Variants in SYNRG observed in about 807,000 individuals in gnomAD.
SYNRG encodes the protein AP1 gamma subunit binding protein 1.
SYNRG carries 37 observed loss-of-function variants against 130.9 expected under a neutral mutation model. The ratio of observed to expected loss-of-function variants is 0.28; its 90% CI spans 0.22 to 0.37. The LOEUF (loss-of-function observed/expected upper bound fraction) is 0.37, where lower values mean the gene tolerates loss of function less well. Among genes scored for constraint, SYNRG ranks in the 10% least tolerant of loss-of-function variants. SYNRG has a pLI of 1.00. For missense variants in SYNRG, 1,338 were observed against 1,588.9 expected (o/e 0.84, Z 2.68); for synonymous variants, 539 against 568.1 (o/e 0.95, Z 0.73).
At chr17:37,546,690 G>C (rs2145103359) in intron 14 of SYNRG, among the ~76,000 whole-genome samples, 1 of 152,314 alleles carries the variant, frequency 6.6e-6, no homozygotes, top group South Asian at 2.1e-4. Flanking sequence ...AAGCTGTTAA[G>C]TATATGCCCA....
At chr17:37,569,358 C>T (rs1489354144) in intron 10 of SYNRG, among the ~76,000 whole-genome samples, 3 of 146,430 alleles carry the variant, frequency 2.0e-5, no homozygotes, top group East Asian at 2.0e-4. Context: ...TGCAGTGAGC[C>T]GAGATTGTGC....
intron 1 of SYNRG, among the ~76,000 whole-genome samples, chr17:37,607,955 C>CAAAAAA (rs67822733): frequency 0.019 from 963 of 50,956 alleles, 60 homozygotes; most frequent in Admixed American, 0.038. Flanking sequence ...GACTTCCTCT[C>CAAAAAA]AAAAAAAAAA....
intron 14 of SYNRG, among the ~76,000 whole-genome samples, chr17:37,551,471 A>C (rs1004041371): frequency 2.0e-5 from 3 of 152,182 alleles, no homozygotes; most frequent in Non-Finnish European, 4.4e-5. Flanking sequence ...GATGTTCCAA[A>C]CATACATAAA....
chr17:37,580,510 T>TGTGTGTGTGTGTGTGTGTGAGAGA (rs1384344164), intron 6 of SYNRG, among the ~76,000 whole-genome samples: 1 of 127,660 alleles, frequency 7.8e-6, no homozygotes, highest in African/African-American at 3.6e-5. Flanking sequence ...TGTGTGTGTG[T>TGTGTGTGTGTGTGTGTGTGAGAGA]GAGAGAGAGA....
intron 19 of SYNRG, among the ~76,000 whole-genome samples, chr17:37,530,504 G>A (rs2056514350): frequency 6.6e-6 from 1 of 152,186 alleles, no homozygotes; most frequent in South Asian, 2.1e-4. Flanking sequence ...TGGAGCTCAG[G>A]AAGTAAATGC....
intron 19 of SYNRG, among the ~76,000 whole-genome samples, chr17:37,528,877 C>T (rs577616452): frequency 1.3e-5 from 2 of 152,298 alleles, no homozygotes; most frequent in Admixed American, 6.5e-5. Flanking sequence ...GGTACAATGA[C>T]ATGGTATAAT....
rs116482967 is a variant in SYNRG, at chr17:37,575,861, G to C, written c.901+480C>G. Among the ~76,000 whole-genome samples the C allele has an allele frequency of 9.1e-3, 1,158 of 127,588 alleles. 14 individuals are homozygous for C. Among genetic ancestry groups the C allele is most frequent in the African/African-American group, 0.031 (1,061 of 34,066 alleles). The allele number at this position is 127,588 out of a possible 152,430, so 83.7% of individuals were successfully genotyped here. On this transcript the variant is annotated intron_variant, in intron 8 of 21. Coordinates refer to ENST00000612223, the MANE Select transcript of SYNRG (RefSeq NM_007247.6). ...GTCTCAAAAAAAAAAAAAAAAAAAAGAGTAAACACTATCCTTCACATCTTC... is the reference window on the plus strand; with the variant it reads ...GTCTCAAAAAAAAAAAAAAAAAAAACAGTAAACACTATCCTTCACATCTTC...
At chr17:37,587,090 TAA>T (rs1013059796) in intron 3 of SYNRG, among the ~76,000 whole-genome samples, 4 of 152,200 alleles carry the variant, frequency 2.6e-5, no homozygotes, top group Non-Finnish European at 4.4e-5. Context: ...CATAATATTA[TAA>T]AGTTTGTTAA....
At chr17:37,559,713 C>A (rs540657277) in intron 13 of SYNRG, among the ~76,000 whole-genome samples, 11 of 152,176 alleles carry the variant, frequency 7.2e-5, no homozygotes, top group African/African-American at 2.7e-4. Flanking sequence ...CTAGTTGCTG[C>A]CTTTACAGTC....
At chr17:37,540,855 G>C in intron 15 of SYNRG, 1 of 973,504 alleles carries the variant, frequency 1.0e-6, no homozygotes, top group Middle Eastern at 4.9e-4. Context: ...GGCTGGTCTC[G>C]AACTCCTGAT....
chr17:37,535,153 T>C (rs905563584), intron 19 of SYNRG, among the ~76,000 whole-genome samples: 9 of 152,126 alleles, frequency 5.9e-5, no homozygotes, highest in Admixed American at 2.6e-4. Context: ...TCAATAACCA[T>C]ATTCCAAGGA....
At chr17:37,596,615 T>C (rs767143239) in intron 2 of SYNRG, among the ~76,000 whole-genome samples, 3 of 152,176 alleles carry the variant, frequency 2.0e-5, no homozygotes, top group African/African-American at 7.2e-5. Context: ...TATGGCCTAA[T>C]TGGGGTACTC....
chr17:37,540,320 T>C, intron 16 of SYNRG, 60 bp downstream of exon 16: 1 of 1,574,668 alleles, frequency 6.4e-7, no homozygotes, highest in Non-Finnish European at 8.6e-7. Context: ...GCATTCTTTC[T>C]TGGGGCCCTG....
intron 1 of SYNRG, among the ~76,000 whole-genome samples, chr17:37,604,672 T>C (rs978485529): frequency 3.9e-5 from 6 of 152,240 alleles, no homozygotes; most frequent in African/African-American, 1.4e-4. Flanking sequence ...CTTAGTTAAC[T>C]GGTGTAAGAG....
rs890326174 is a variant in SYNRG at position 37,609,074 on chromosome 17, C to T, written c.77+205G>A. ...TCCCCGCTCGATTCCAGGCGGCCGGCGCCCCCAACTGATCCCGGAACACCA... is the reference window on the plus strand; with the variant it reads ...TCCCCGCTCGATTCCAGGCGGCCGGTGCCCCCAACTGATCCCGGAACACCA... On this transcript the variant is annotated intron_variant, in intron 1 of 21. Coordinates refer to ENST00000612223, the MANE Select transcript of SYNRG (RefSeq NM_007247.6). Among the ~76,000 whole-genome samples, 70 of 151,278 alleles carry T rather than the reference C, an allele frequency of 4.6e-4. 3 individuals are homozygous for T. The highest frequency in any genetic ancestry group is 5.9e-5 in the Non-Finnish European group (4 of 67,844).
At chr17:37,545,301 CAGGAGAA>C (rs1252084995) in intron 14 of SYNRG, among the ~76,000 whole-genome samples, 1 of 151,618 alleles carries the variant, frequency 6.6e-6, no homozygotes, top group African/African-American at 2.4e-5. Context: ...GAGGGTGAGG[CAGGAGAA>C]TCGCTTGAAT....
At chr17:37,530,096 A>G (rs2056461824) in intron 19 of SYNRG, among the ~76,000 whole-genome samples, 1 of 152,088 alleles carries the variant, frequency 6.6e-6, no homozygotes, top group Non-Finnish European at 1.5e-5. Context: ...GAACTCATTA[A>G]CCTTGATGCC....
At chr17:37,588,394 C>T (rs981775614) in intron 3 of SYNRG, among the ~76,000 whole-genome samples, 43 of 151,660 alleles carry the variant, frequency 2.8e-4, no homozygotes, top group African/African-American at 1.0e-3. Context: ...TCCCAAGTAG[C>T]TGAGACTACA....
At position 37,577,372 on chromosome 17, in the gene SYNRG, G is replaced by A. The variant is rs573672006; in HGVS notation, c.823+8C>T. ...ACAAGTTTTTTGCTGAATGCTTCAC[G>A]AGCTCACCACTCTCTTCAATTGACA... On this transcript the variant is annotated splice_region_variant and intron_variant, in intron 7 of 21. Coordinates refer to ENST00000612223, the MANE Select transcript of SYNRG (RefSeq NM_007247.6). 1.9e-5 allele frequency: 31 copies of A among 1,612,994 alleles called. No individual in the cohort carries two copies. Among genetic ancestry groups the A allele is most frequent in the Admixed American group, 1.0e-4 (6 of 59,998 alleles).
Sources: allele counts gnomAD v4.1 joint callset (sites outside exome capture counted in the v4.1 genomes callset), GRCh38; gene constraint gnomAD v4.1.1; transcripts MANE v1.5; gene names NCBI Gene and HGNC (gene_info 2026-07-23, HGNC 2026-07-21).